The following KRABD5 variants were observed in gnomAD, a reference collection of about 807,000 sequenced individuals.
KRABD5 encodes KRAB domain containing 5.
At chr16:31,729,808 G>GT in the KRABD5 span, among the ~76,000 whole-genome samples, 16 of 149,498 alleles carry the variant, frequency 1.1e-4, no homozygotes, top group African/African-American at 2.4e-4. Context: ...ATCTACTACA[G>GT]TTTTTTTTTC....
At chr16:31,733,615 G>A in the KRABD5 span, 2 of 456,198 alleles carry the variant, frequency 4.4e-6, no homozygotes, top group Admixed American at 4.7e-5. Context: ...TTTGGCTACT[G>A]TAGATACTTT....
the KRABD5 span, among the ~76,000 whole-genome samples, chr16:31,727,729 T>C: frequency 3.3e-5 from 5 of 152,232 alleles, no homozygotes; most frequent in Non-Finnish European, 7.3e-5. Flanking sequence ...TTAATCTTGG[T>C]GAGTCATTCA....
At chr16:31,754,177 A>G in the KRABD5 span, 6 of 689,380 alleles carry the variant, frequency 8.7e-6, no homozygotes, top group Admixed American at 1.3e-4. Flanking sequence ...ACTGGAGTAA[A>G]TGTTCAGTCA....
the KRABD5 span, among the ~76,000 whole-genome samples, chr16:31,734,638 T>C: frequency 1.3e-5 from 2 of 152,296 alleles, no homozygotes; most frequent in South Asian, 2.1e-4. Context: ...TTACTTCTCC[T>C]GTGTAATTGT....
chr16:31,722,728 A>G, the KRABD5 span: 1 of 1,609,024 alleles, frequency 6.2e-7, no homozygotes, highest in Non-Finnish European at 8.5e-7. Flanking sequence ...GATGTTAGAG[A>G]ACTACGGAAA....
At chr16:31,714,281 A>C in the KRABD5 span, 5 of 440,050 alleles carry the variant, frequency 1.1e-5, no homozygotes, top group South Asian at 4.9e-5. Flanking sequence ...TACCTGTTGA[A>C]GTATAAAGTG....
chr16:31,722,816 T>C, the KRABD5 span: 2 of 1,475,570 alleles, frequency 1.4e-6, no homozygotes, highest in Admixed American at 2.6e-5. Flanking sequence ...TTCTTTCCTT[T>C]GTAGAATGTC....
the KRABD5 span, among the ~76,000 whole-genome samples, chr16:31,751,687 A>G: frequency 6.6e-6 from 1 of 152,158 alleles, no homozygotes; most frequent in Admixed American, 6.5e-5. Flanking sequence ...CTAGTGGTCT[A>G]TCAATCTCGT....
the KRABD5 span, among the ~76,000 whole-genome samples, chr16:31,745,229 T>A: frequency 6.6e-6 from 1 of 152,164 alleles, no homozygotes; most frequent in Non-Finnish European, 1.5e-5. Context: ...TGATTTGAGA[T>A]TTTTCTAGCT....
the KRABD5 span, among the ~76,000 whole-genome samples, chr16:31,735,459 T>A: frequency 1.3e-5 from 2 of 152,218 alleles, no homozygotes; most frequent in Non-Finnish European, 2.9e-5. Flanking sequence ...ATATGACAGC[T>A]GTATTTTTAA....
the KRABD5 span, among the ~76,000 whole-genome samples, chr16:31,738,484 G>T: frequency 6.6e-6 from 1 of 152,070 alleles, no homozygotes; most frequent in African/African-American, 2.4e-5. Context: ...ATGTTTTGAT[G>T]TAACATGTAT....
the KRABD5 span, chr16:31,755,273 A>T: frequency 2.0e-6 from 1 of 499,898 alleles, no homozygotes; most frequent in South Asian, 1.5e-5. Context: ...TGTCCACCAG[A>T]GAATTCATAC....
the KRABD5 span, among the ~76,000 whole-genome samples, chr16:31,737,613 TAA>T: frequency 6.6e-6 from 1 of 152,178 alleles, no homozygotes; most frequent in East Asian, 1.9e-4. Flanking sequence ...TTGTTGAATA[TAA>T]GTTTACTATA....
At chr16:31,739,512 T>C in the KRABD5 span, among the ~76,000 whole-genome samples, 1 of 152,186 alleles carries the variant, frequency 6.6e-6, no homozygotes, top group Non-Finnish European at 1.5e-5. Flanking sequence ...TCTCTGATTA[T>C]AATGTGTCTT....
chr16:31,730,991 T>G, the KRABD5 span, among the ~76,000 whole-genome samples: 1 of 152,250 alleles, frequency 6.6e-6, no homozygotes, highest in Non-Finnish European at 1.5e-5. Context: ...ATTGAAATTC[T>G]TTAAGATGAT....
the KRABD5 span, among the ~76,000 whole-genome samples, chr16:31,718,232 G>A: frequency 2.0e-5 from 3 of 152,102 alleles, no homozygotes; most frequent in Non-Finnish European, 2.9e-5. Context: ...GAATTCCTGA[G>A]GGGCTGTCTC....
the KRABD5 span, among the ~76,000 whole-genome samples, chr16:31,731,484 G>A: frequency 6.6e-6 from 1 of 152,204 alleles, no homozygotes. Flanking sequence ...GAGTCTCTGG[G>A]AGTGGTTTCA....
At chr16:31,742,224 A>C in the KRABD5 span, among the ~76,000 whole-genome samples, 1 of 149,342 alleles carries the variant, frequency 6.7e-6, no homozygotes, top group Non-Finnish European at 1.5e-5. Context: ...ATACATTTGC[A>C]GAACATGCAG....
At chr16:31,758,382 A>G in the KRABD5 span, 1 of 152,202 alleles carries the variant, frequency 6.6e-6, no homozygotes, top group African/African-American at 2.4e-5. Context: ...GTAGTTGGAT[A>G]ATGCAAAATA....
Sources: gnomAD v4.1 joint callset for allele counts (sites outside exome capture counted in the v4.1 genomes callset) on GRCh38, gnomAD v4.1.1 for gene constraint, MANE v1.5 for transcripts, NCBI Gene and HGNC (gene_info 2026-07-23, HGNC 2026-07-21) for gene names.